Variants in COL19A1 observed in about 807,000 individuals in gnomAD.
The protein encoded by COL19A1 is collagen alpha-1(XIX) chain.
In COL19A1, 159 loss-of-function variants were observed where a neutral mutation model predicts 190.2. The ratio of observed to expected loss-of-function variants is 0.84; its 90% CI spans 0.73 to 0.95. The LOEUF is 0.95. COL19A1 is among the 40% of genes least tolerant of loss of function. COL19A1 has a pLI of 0.00. For missense variants in COL19A1, 1,418 were observed against 1,431.9 expected (o/e 0.99, Z 0.16); for synonymous variants, 509 against 458.9 (o/e 1.11, Z -1.39).
chr6:69,916,096 C>T (rs931435487), intron 4 of COL19A1, among the ~76,000 whole-genome samples: 16 of 152,226 alleles, frequency 1.1e-4, no homozygotes, highest in African/African-American at 3.9e-4. Flanking sequence ...GCCACCATGC[C>T]TGGCTAATTT....
Position 69,898,876 on chromosome 6 carries a change from T to C in COL19A1, c.92-72T>C, listed in dbSNP as rs1769970432. ...TAATTTATTTCCATTTTATCTTAAG[T>C]TTCTGATTGTACTGTGTAATTAAAA... On this transcript the variant is annotated intron_variant, in intron 2 of 50. Transcript: ENST00000620364. 4 of 873,592 alleles carry C rather than the reference T, an allele frequency of 4.6e-6. No individual in the cohort carries two copies. The South Asian group carries it at 4.7e-5, about 10-fold the overall frequency. The allele number at this position is 873,592 out of a possible 1,614,324, so 54.1% of individuals were successfully genotyped here.
At chr6:70,052,481 C>T (rs946269615) in intron 14 of COL19A1, among the ~76,000 whole-genome samples, 14 of 152,168 alleles carry the variant, frequency 9.2e-5, no homozygotes, top group Non-Finnish European at 5.9e-5. Flanking sequence ...CTAACTATAC[C>T]GCTGACTCAT....
chr6:69,992,451 T>C (rs530312479), intron 11 of COL19A1, among the ~76,000 whole-genome samples: 1 of 152,220 alleles, frequency 6.6e-6, no homozygotes, highest in South Asian at 2.1e-4. Context: ...TTTGCACTTG[T>C]ATACAAGAAC....
Position 70,081,816 on chromosome 6 carries a change from T to C in COL19A1, c.1224+13340T>C, listed in dbSNP as rs576473620. Reference sequence around the variant, plus strand: ...AGTTAAGAAACCAGTTTATTCTTACTTTTTTAAAAATAAAATTTGAATAGT... The same window carrying C: ...AGTTAAGAAACCAGTTTATTCTTACCTTTTTAAAAATAAAATTTGAATAGT... On this transcript the variant is annotated intron_variant, in intron 15 of 50. Coordinates refer to ENST00000620364, the MANE Select transcript of COL19A1 (RefSeq NM_001858.6). 5.9e-5 allele frequency among the ~76,000 whole-genome samples: 9 copies of C among 152,294 alleles called. No homozygotes were observed. The East Asian group carries it at 1.7e-3, about 29-fold the overall frequency.
chr6:69,953,027 T>C (rs1295550597), intron 9 of COL19A1, among the ~76,000 whole-genome samples: 2 of 152,004 alleles, frequency 1.3e-5, no homozygotes, highest in African/African-American at 4.8e-5. Flanking sequence ...CCTCACCTAA[T>C]TTTTCTGTGC....
chr6:70,140,952 A>G lies in COL19A1; in HGVS notation c.1447-2A>G. ...ATTCTATTTTCTACCCCTTCTCCTT[A>G]GGGAGAGCCTTTTACAAAAGGAGAA... On this transcript the variant is annotated splice_acceptor_variant, in intron 19 of 50. Transcript: ENST00000620364. LOFTEE classifies it high-confidence loss of function. 6.2e-7 allele frequency: 1 copy of G among 1,610,542 alleles called. No homozygotes were observed. The highest frequency in any genetic ancestry group is 1.1e-5 in the South Asian group (1 of 90,888).
intron 14 of COL19A1, among the ~76,000 whole-genome samples, chr6:70,049,205 TG>T (rs1443984213): frequency 1.3e-5 from 2 of 152,006 alleles, no homozygotes; most frequent in African/African-American, 2.4e-5. Flanking sequence ...TTTAATTCAT[TG>T]TTAGTTTTCT....
chr6:69,934,081 A>G (rs1251224366), intron 7 of COL19A1, among the ~76,000 whole-genome samples: 1 of 152,060 alleles, frequency 6.6e-6, no homozygotes, highest in Non-Finnish European at 1.5e-5. Flanking sequence ...CACTTTGGGT[A>G]GTGAAATAAG....
At chr6:69,933,753 C>T (rs1349562144) in intron 7 of COL19A1, among the ~76,000 whole-genome samples, 1 of 151,946 alleles carries the variant, frequency 6.6e-6, no homozygotes, top group African/African-American at 2.4e-5. Context: ...GATTTAAGTA[C>T]AATTCAGACT....
At chr6:70,066,489 C>T (rs139665445) in intron 14 of COL19A1, among the ~76,000 whole-genome samples, 4,057 of 152,042 alleles carry the variant, frequency 0.027, 189 homozygotes, top group African/African-American at 0.089. Flanking sequence ...GGGAGATATA[C>T]CTAATGTAAA....
rs1781380868 is a variant in COL19A1 at position 70,068,533 on chromosome 6, G to A, written c.1224+57G>A. On this transcript the variant is annotated intron_variant, in intron 15 of 50. Coordinates refer to ENST00000620364, the MANE Select transcript of COL19A1 (RefSeq NM_001858.6). ...ACTAACTTAGGGGATACTTATTTGG[G>A]AACACTAATGAAAATGAAACCGAAA... The A allele has an allele frequency of 5.4e-6, 6 of 1,118,954 alleles. No homozygotes were observed. In the Admixed American group the frequency reaches 6.2e-5, roughly 12 times the overall value. 69.3% of individuals were successfully genotyped at this position (1,118,954 alleles called of 1,614,324 possible).
Position 70,061,280 on chromosome 6 carries a change from T to A in COL19A1, c.1171-7143T>A, listed in dbSNP as rs557713834. 4.6e-5 allele frequency among the ~76,000 whole-genome samples: 7 copies of A among 152,266 alleles called. No individual in the cohort carries two copies. In the South Asian group the frequency reaches 1.4e-3, roughly 32 times the overall value. The stretch of plus-strand genomic sequence containing the variant: ...CTAATGTTCAATACTCTTCTCAAAA[T>A]GTTCTGAAGATTAGGAGAGCATGGC... On this transcript the variant is annotated intron_variant, in intron 14 of 50. Transcript: ENST00000620364.
intron 11 of COL19A1, among the ~76,000 whole-genome samples, chr6:70,006,505 T>C (rs1200882748): frequency 2.0e-5 from 3 of 152,156 alleles, no homozygotes; most frequent in Non-Finnish European, 4.4e-5. Context: ...TCTGGATACC[T>C]TGGTTGCCGG....
intron 14 of COL19A1, among the ~76,000 whole-genome samples, chr6:70,065,447 A>G (rs997299511): frequency 2.0e-5 from 3 of 152,230 alleles, no homozygotes; most frequent in African/African-American, 7.2e-5. Context: ...CACCTTACAT[A>G]AAAATTAATT....
chr6:69,936,698 A>G, intron 7 of COL19A1, 87 bp from the exon 8 acceptor site: 1 of 1,524,518 alleles, frequency 6.6e-7, no homozygotes, highest in Non-Finnish European at 8.9e-7. Flanking sequence ...CAACCTCAGC[A>G]ATCCCTAGTT....
chr6:69,942,339 C>T (rs1773525892), intron 9 of COL19A1, among the ~76,000 whole-genome samples: 1 of 152,064 alleles, frequency 6.6e-6, no homozygotes, highest in East Asian at 1.9e-4. Context: ...ATTAACATGT[C>T]CATCACCTCA....
intron 14 of COL19A1, 56 bp downstream of exon 14, chr6:70,035,995 C>T: frequency 6.6e-7 from 1 of 1,505,004 alleles, no homozygotes; most frequent in Middle Eastern, 1.7e-4. Flanking sequence ...TGTTTATTAT[C>T]CATATTACAT....
At chr6:70,087,786 G>A (rs1782672275) in intron 15 of COL19A1, among the ~76,000 whole-genome samples, 1 of 152,110 alleles carries the variant, frequency 6.6e-6, no homozygotes, top group African/African-American at 2.4e-5. Context: ...AAGAAAACTG[G>A]TGACTATATG....
At chr6:70,064,454 C>A (rs1318277733) in intron 14 of COL19A1, among the ~76,000 whole-genome samples, 1 of 152,094 alleles carries the variant, frequency 6.6e-6, no homozygotes, top group Admixed American at 6.6e-5. Context: ...ATTGATGGGA[C>A]GTATCTCAAA....
Sources: gnomAD v4.1 joint callset for allele counts (sites outside exome capture counted in the v4.1 genomes callset) on GRCh38, gnomAD v4.1.1 for gene constraint, MANE v1.5 for transcripts, NCBI Gene and HGNC (gene_info 2026-07-23, HGNC 2026-07-21) for gene names.